The following GRIP1 variants were observed in gnomAD, a reference collection of about 807,000 sequenced individuals.
The protein encoded by GRIP1 is glutamate receptor interacting protein 1, also known as glutamate receptor-interacting protein 1.
GRIP1 carries 45 observed loss-of-function variants against 129.9 expected under a neutral mutation model. That is an observed-to-expected ratio of 0.35 (90% CI 0.27 to 0.44). The LOEUF (loss-of-function observed/expected upper bound fraction) is 0.44, where lower values mean the gene tolerates loss of function less well. GRIP1 is among the 20% of genes least tolerant of loss of function. The probability of loss-of-function intolerance (pLI) is 1.00; values close to 1 mark genes in which losing one functional copy is unlikely to be tolerated. For synonymous variants in GRIP1, 530 were observed against 520.8 expected (o/e 1.02, Z -0.24); for missense variants, 1,196 against 1,396.8 (o/e 0.86, Z 2.29).
At chr12:66,522,385 G>A (rs1054854939) in intron 5 of GRIP1, among the ~76,000 whole-genome samples, 9 of 152,252 alleles carry the variant, frequency 5.9e-5, no homozygotes, top group Middle Eastern at 3.4e-3. Context: ...TACAGCCACC[G>A]CTGTTCTGCG....
At chr12:66,491,244 A>G (rs559975602) in intron 7 of GRIP1, among the ~76,000 whole-genome samples, 3 of 152,258 alleles carry the variant, frequency 2.0e-5, no homozygotes, top group Non-Finnish European at 4.4e-5. Flanking sequence ...CTGGATAAAG[A>G]AAATGTGGTA....
At chr12:66,445,297 G>C (rs1465771605) in intron 12 of GRIP1, 25 bp downstream of exon 12, 1 of 1,595,224 alleles carries the variant, frequency 6.3e-7, no homozygotes, top group South Asian at 1.1e-5. Context: ...AGCAGAAAAT[G>C]ATGCTGTGAA....
chr12:66,471,633 G>C (rs895716737), intron 7 of GRIP1, among the ~76,000 whole-genome samples: 1 of 152,204 alleles, frequency 6.6e-6, no homozygotes, highest in Non-Finnish European at 1.5e-5. Flanking sequence ...TATTGGAAAG[G>C]AGAAAGTCTA....
At chr12:66,572,896 T>C (rs893599972) in intron 2 of GRIP1, among the ~76,000 whole-genome samples, 4 of 152,164 alleles carry the variant, frequency 2.6e-5, no homozygotes, top group African/African-American at 7.2e-5. Flanking sequence ...ATATGTTTTC[T>C]ATATGACAGT....
intron 2 of GRIP1, among the ~76,000 whole-genome samples, chr12:66,574,790 T>TTTTTTTTCTTTTTTTC (rs796467724): frequency 0.017 from 2,411 of 142,136 alleles, 77 homozygotes; most frequent in African/African-American, 0.058. Context: ...CACTTTTCTT[T>TTTTTTTTCTTTTTTTC]TTTTTTTTTT....
At chr12:66,820,941 T>C (rs1055317383) in intron 1 of GRIP1, among the ~76,000 whole-genome samples, 4 of 152,318 alleles carry the variant, frequency 2.6e-5, no homozygotes, top group South Asian at 4.1e-4. Flanking sequence ...TACGTCATTA[T>C]ACATTTCTCA....
intron 1 of GRIP1, among the ~76,000 whole-genome samples, chr12:67,028,809 T>TTTTACCA (rs2042977304): frequency 6.6e-6 from 1 of 152,258 alleles, no homozygotes; most frequent in Admixed American, 6.5e-5. Context: ...TACCAGCACT[T>TTTTACCA]TACAAATCAA....
chr12:66,762,526 CATATATGCTGTATGATTTA>C (rs1215621545), intron 1 of GRIP1, among the ~76,000 whole-genome samples: 5 of 152,288 alleles, frequency 3.3e-5, no homozygotes, highest in African/African-American at 1.2e-4. Context: ...TGTACAACTT[CATATATGCTGTATGATTTA>C]ATATATGCTG....
chr12:66,883,362 C>T (rs1485088950), intron 1 of GRIP1, among the ~76,000 whole-genome samples: 3 of 152,078 alleles, frequency 2.0e-5, no homozygotes, highest in Non-Finnish European at 4.4e-5. Context: ...TTCATTTTCA[C>T]AGTACCCATC....
intron 1 of GRIP1, among the ~76,000 whole-genome samples, chr12:66,953,738 T>C (rs538353585): frequency 1.3e-5 from 2 of 152,072 alleles, no homozygotes; most frequent in African/African-American, 4.8e-5. Context: ...TATAAAAGAT[T>C]AGGAAAAATG....
intron 1 of GRIP1, among the ~76,000 whole-genome samples, chr12:66,936,190 C>A (rs2041481056): frequency 6.6e-6 from 1 of 152,116 alleles, no homozygotes; most frequent in African/African-American, 2.4e-5. Flanking sequence ...GAGGCCAAGG[C>A]AAGAGGATCT....
At chr12:66,544,427 G>C (rs1028081166) in intron 2 of GRIP1, among the ~76,000 whole-genome samples, 2 of 152,138 alleles carry the variant, frequency 1.3e-5, no homozygotes, top group Admixed American at 1.3e-4. Flanking sequence ...ACAGACCACT[G>C]TACCATACAG....
At chr12:66,488,434 A>G (rs908872680) in intron 7 of GRIP1, among the ~76,000 whole-genome samples, 1 of 152,234 alleles carries the variant, frequency 6.6e-6, no homozygotes, top group Admixed American at 6.5e-5. Flanking sequence ...GGTGAGAACA[A>G]AGAGACAATA....
At chr12:67,012,503 A>G (rs972670166) in intron 1 of GRIP1, among the ~76,000 whole-genome samples, 2 of 152,128 alleles carry the variant, frequency 1.3e-5, no homozygotes, top group African/African-American at 4.8e-5. Context: ...CTAAGCCATC[A>G]CTTAGGACCT....
intron 1 of GRIP1, among the ~76,000 whole-genome samples, chr12:66,862,257 G>C (rs1161720732): frequency 6.6e-6 from 1 of 151,974 alleles, no homozygotes; most frequent in African/African-American, 2.4e-5. Context: ...ATAAAATATG[G>C]ATCAATAAAG....
intron 2 of GRIP1, among the ~76,000 whole-genome samples, chr12:66,576,222 T>C (rs2063134186): frequency 6.6e-6 from 1 of 152,188 alleles, no homozygotes; most frequent in African/African-American, 2.4e-5. Context: ...AGTGGGACTT[T>C]TAGAAAGATC....
At chr12:66,970,533 C>T (rs2042058702) in intron 1 of GRIP1, among the ~76,000 whole-genome samples, 1 of 131,936 alleles carries the variant, frequency 7.6e-6, no homozygotes, top group Non-Finnish European at 1.6e-5. Flanking sequence ...TCAAAGTCCT[C>T]TAGTGTCTTT....
intron 1 of GRIP1, among the ~76,000 whole-genome samples, chr12:66,648,064 C>T (rs2032507188): frequency 6.6e-6 from 1 of 152,114 alleles, no homozygotes; most frequent in Non-Finnish European, 1.5e-5. Flanking sequence ...TGCTTCCCTC[C>T]ACCCACTCTT....
At chr12:66,841,727 C>T (rs897617091) in intron 1 of GRIP1, among the ~76,000 whole-genome samples, 4 of 152,138 alleles carry the variant, frequency 2.6e-5, no homozygotes, top group Non-Finnish European at 5.9e-5. Context: ...AACAAAGCAA[C>T]ACCACCAGAA....
Sources: allele counts gnomAD v4.1 joint callset (sites outside exome capture counted in the v4.1 genomes callset), GRCh38; gene constraint gnomAD v4.1.1; transcripts MANE v1.5; gene names NCBI Gene and HGNC (gene_info 2026-07-23, HGNC 2026-07-21).